The following RPS6KC1 variants were observed in gnomAD, a reference collection of about 807,000 sequenced individuals.
RPS6KC1 encodes inactive ribosomal protein S6 kinase delta-1.
RPS6KC1 carries 54 observed loss-of-function variants against 103.8 expected under a neutral mutation model. That is an observed-to-expected ratio of 0.52 (90% CI 0.42 to 0.65). The LOEUF (loss-of-function observed/expected upper bound fraction) is 0.65. RPS6KC1 is among the 30% of genes least tolerant of loss of function. The pLI, the probability that RPS6KC1 is intolerant of heterozygous loss-of-function variation, is 0.00. For synonymous variants in RPS6KC1, 439 were observed against 438.7 expected, an observed-to-expected ratio of 1.00 and a Z score of -0.01; for missense variants, 1,151 against 1,253.8, an observed-to-expected ratio of 0.92 and a Z score of 1.24.
chr1:213,067,448 T>C (rs1025231548), intron 1 of RPS6KC1, among the ~76,000 whole-genome samples: 19 of 152,162 alleles, frequency 1.2e-4, no homozygotes, highest in Non-Finnish European at 2.2e-4. Context: ...ATTGGGTCAG[T>C]TTCACTTTTA....
the RPS6KC1 span, among the ~76,000 whole-genome samples, chr1:213,771,516 C>T: frequency 9.3e-4 from 141 of 152,220 alleles, no homozygotes; most frequent in African/African-American, 3.0e-3. Context: ...ACAACACCTC[C>T]GGAGGAGAGG....
intron 3 of RPS6KC1, among the ~76,000 whole-genome samples, chr1:213,081,853 A>C (rs957722227): frequency 6.6e-6 from 1 of 152,004 alleles, no homozygotes; most frequent in African/African-American, 2.4e-5. Context: ...TCCCAGTTGA[A>C]CTTTGAGATG....
the RPS6KC1 span, among the ~76,000 whole-genome samples, chr1:213,549,718 C>T: frequency 3.4e-5 from 5 of 146,422 alleles, no homozygotes; most frequent in African/African-American, 1.3e-4. Context: ...TCAGCAGCTT[C>T]AGTAGAAGTG....
chr1:213,540,601 T>A, the RPS6KC1 span, among the ~76,000 whole-genome samples: 1 of 152,226 alleles, frequency 6.6e-6, no homozygotes, highest in African/African-American at 2.4e-5. Flanking sequence ...TCTGCCCACC[T>A]CAGCTTCCTA....
chr1:213,830,999 C>T, the RPS6KC1 span, among the ~76,000 whole-genome samples: 1 of 152,150 alleles, frequency 6.6e-6, no homozygotes, highest in Non-Finnish European at 1.5e-5. Flanking sequence ...GAGGACCAGT[C>T]TCCTATAGCC....
At chr1:213,515,724 A>G in the RPS6KC1 span, among the ~76,000 whole-genome samples, 2 of 151,800 alleles carry the variant, frequency 1.3e-5, no homozygotes, top group Admixed American at 6.6e-5. Flanking sequence ...CTCTTTTTTG[A>G]TTCCATATGA....
chr1:213,220,291 A>T (rs2093798225), intron 8 of RPS6KC1, among the ~76,000 whole-genome samples: 1 of 152,182 alleles, frequency 6.6e-6, no homozygotes, highest in African/African-American at 2.4e-5. Flanking sequence ...AAAAATCTGA[A>T]TTAAGATCAG....
chr1:213,278,194 G>C (rs1421495120), downstream of RPS6KC1, among the ~76,000 whole-genome samples: 1 of 151,192 alleles, frequency 6.6e-6, no homozygotes, highest in Non-Finnish European at 1.5e-5. Flanking sequence ...AACAGACTGT[G>C]ACCTAGACTT....
chr1:213,402,380 C>T, the RPS6KC1 span, among the ~76,000 whole-genome samples: 1 of 152,296 alleles, frequency 6.6e-6, no homozygotes, highest in South Asian at 2.1e-4. Flanking sequence ...AGGAAATACT[C>T]ACACACCCCC....
the RPS6KC1 span, among the ~76,000 whole-genome samples, chr1:213,681,653 C>T: frequency 6.6e-6 from 1 of 152,096 alleles, no homozygotes; most frequent in African/African-American, 2.4e-5. Context: ...AAAAAATTAG[C>T]TGGGCATCAT....
the RPS6KC1 span, among the ~76,000 whole-genome samples, chr1:213,581,483 A>G: frequency 6.6e-6 from 1 of 152,100 alleles, no homozygotes; most frequent in Non-Finnish European, 1.5e-5. Context: ...GAAGAACTCT[A>G]GAGCTGGGAT....
chr1:213,590,804 T>A, the RPS6KC1 span, among the ~76,000 whole-genome samples: 1 of 152,046 alleles, frequency 6.6e-6, no homozygotes. Context: ...ATTCCTAAAG[T>A]GGAATCTGGG....
chr1:213,437,939 A>G, the RPS6KC1 span, among the ~76,000 whole-genome samples: 2 of 151,258 alleles, frequency 1.3e-5, no homozygotes, highest in African/African-American at 4.9e-5. Flanking sequence ...ATATTTTCTG[A>G]TTTTCTTTTT....
chr1:213,829,576 G>C, the RPS6KC1 span, among the ~76,000 whole-genome samples: 2 of 152,156 alleles, frequency 1.3e-5, no homozygotes, highest in Non-Finnish European at 2.9e-5. Flanking sequence ...TAGCATGAGA[G>C]GTCAGAAATT....
chr1:213,655,481 C>T, the RPS6KC1 span, among the ~76,000 whole-genome samples: 1 of 152,212 alleles, frequency 6.6e-6, no homozygotes. Flanking sequence ...TTGAAGGCCT[C>T]TCCTTCATCC....
chr1:213,628,875 C>T, the RPS6KC1 span, among the ~76,000 whole-genome samples: 1 of 152,154 alleles, frequency 6.6e-6, no homozygotes, highest in African/African-American at 2.4e-5. Flanking sequence ...TGCTCAGTTT[C>T]CATGGAGTTG....
chr1:213,051,937 G>C (rs537931610), intron 1 of RPS6KC1, among the ~76,000 whole-genome samples: 1 of 152,284 alleles, frequency 6.6e-6, no homozygotes, highest in East Asian at 1.9e-4. Context: ...TATCAGGTTT[G>C]CTGTGAGAAA....
chr1:213,495,695 G>A, the RPS6KC1 span, among the ~76,000 whole-genome samples: 1 of 152,110 alleles, frequency 6.6e-6, no homozygotes, highest in African/African-American at 2.4e-5. Flanking sequence ...TACACAACCA[G>A]TATTTGAACT....
chr1:213,465,709 G>A, the RPS6KC1 span, among the ~76,000 whole-genome samples: 4 of 152,106 alleles, frequency 2.6e-5, no homozygotes, highest in African/African-American at 9.7e-5. Flanking sequence ...CTCTGTGTTA[G>A]GAAACCTGGA....
Sources: allele counts gnomAD v4.1 joint callset (sites outside exome capture counted in the v4.1 genomes callset), GRCh38; gene constraint gnomAD v4.1.1; transcripts MANE v1.5; gene names NCBI Gene and HGNC (gene_info 2026-07-23, HGNC 2026-07-21).